Variants in SPATA13 observed in about 807,000 individuals in gnomAD.
SPATA13 encodes spermatogenesis associated 13.
In SPATA13, 50 loss-of-function variants were observed where a neutral mutation model predicts 104.0. That is an observed-to-expected ratio of 0.48 (90% CI 0.38 to 0.61). The LOEUF (loss-of-function observed/expected upper bound fraction) is 0.61. Ranked by LOEUF, SPATA13 falls within the 20% of genes least tolerant of loss-of-function variation. The pLI is 0.00. For synonymous variants in SPATA13, 606 were observed against 667.5 expected (o/e 0.91, Z 1.42); for missense variants, 1,524 against 1,690.6 (o/e 0.90, Z 1.73).
chr13:24,034,045 A>G (rs1877586247), intron 3 of SPATA13: 1 of 152,220 alleles, frequency 6.6e-6, no homozygotes, highest in Non-Finnish European at 1.5e-5. Flanking sequence ...CACACTTTCA[A>G]CATTTGATTA....
intron 3 of SPATA13, among the ~76,000 whole-genome samples, chr13:24,060,858 G>C (rs1878747138): frequency 6.6e-6 from 1 of 152,146 alleles, no homozygotes; most frequent in Non-Finnish European, 1.5e-5. Context: ...GGCCAACATG[G>C]CAAAACCCCG....
At chr13:24,270,026 C>T (rs1005188809) in intron 4 of SPATA13, among the ~76,000 whole-genome samples, 1 of 151,980 alleles carries the variant, frequency 6.6e-6, no homozygotes, top group African/African-American at 2.4e-5. Flanking sequence ...CCAGCTTAAA[C>T]CCACATTTAC....
rs1458068316 is a variant in SPATA13 at position 24,103,504 on chromosome 13, A to AAAAAAAAAAAAAAAAG, written c.-112+85804_-112+85805insAAAAAAAAAAAAAAGA. Among the ~76,000 whole-genome samples the AAAAAAAAAAAAAAAAG allele has an allele frequency of 1.3e-4, 15 of 115,600 alleles. 1 individual carries two copies. Among genetic ancestry groups the AAAAAAAAAAAAAAAAG allele is most frequent in the African/African-American group, 1.6e-4 (5 of 31,864 alleles). The allele number at this position is 115,600 out of a possible 152,430, so 75.8% of individuals were successfully genotyped here. A position where few individuals can be genotyped will look rare whatever the true frequency, so the allele number is the denominator to read the frequency against. ...TGTCTCAAAAAAAAAAAAAAAAAACAAGAAAGAAAAGAGCAGGGGAGGAGA... is the reference window on the plus strand; with the variant it reads ...TGTCTCAAAAAAAAAAAAAAAAAACAAAAAAAAAAAAAAAAGAGAAAGAAAAGAGCAGGGGAGGAGA... On this transcript the variant is annotated intron_variant, in intron 3 of 14. Coordinates refer to the SPATA13 transcript ENST00000424834.
At chr13:24,276,348 T>G (rs1201702155) in intron 4 of SPATA13, among the ~76,000 whole-genome samples, 2 of 152,226 alleles carry the variant, frequency 1.3e-5, no homozygotes, top group Non-Finnish European at 2.9e-5. Context: ...GTTCTAACAC[T>G]TGGTACACAT....
At chr13:24,251,077 T>A (rs1312162797) in intron 3 of SPATA13, among the ~76,000 whole-genome samples, 1 of 152,052 alleles carries the variant, frequency 6.6e-6, no homozygotes, top group Admixed American at 6.5e-5. Flanking sequence ...TGATTAATAG[T>A]TTTAGGGATC....
intron 1 of SPATA13, among the ~76,000 whole-genome samples, chr13:24,190,949 CCTCA>C (rs1464636553): frequency 6.6e-6 from 1 of 152,026 alleles, no homozygotes; most frequent in African/African-American, 2.4e-5. Flanking sequence ...ATGCAGCAAA[CCTCA>C]CTGTCTTCTC....
intron 3 of SPATA13, among the ~76,000 whole-genome samples, chr13:24,136,066 A>G (rs189930423): frequency 2.0e-5 from 3 of 152,364 alleles, no homozygotes; most frequent in Admixed American, 2.0e-4. Flanking sequence ...CTCAGAGAGC[A>G]TGAAGCTCAG....
intron 3 of SPATA13, among the ~76,000 whole-genome samples, chr13:24,054,078 C>T (rs1430556149): frequency 6.6e-6 from 1 of 152,046 alleles, no homozygotes; most frequent in Non-Finnish European, 1.5e-5. Flanking sequence ...TCAGGGCCAC[C>T]GTGAACCATG....
intron 2 of SPATA13, among the ~76,000 whole-genome samples, chr13:24,014,879 A>T (rs1230300107): frequency 8.3e-4 from 65 of 78,670 alleles, no homozygotes; most frequent in Admixed American, 1.2e-3. Context: ...CACTTTCTGG[A>T]TTTTTTTTTT....
chr13:24,019,280 G>C (rs1449617750), intron 3 of SPATA13, among the ~76,000 whole-genome samples: 1 of 151,606 alleles, frequency 6.6e-6, no homozygotes. Flanking sequence ...AGTAGAGACG[G>C]GGTTTCACCG....
At chr13:24,162,233 G>A (rs1461517463) in intron 1 of SPATA13, among the ~76,000 whole-genome samples, 1 of 152,050 alleles carries the variant, frequency 6.6e-6, no homozygotes, top group African/African-American at 2.4e-5. Flanking sequence ...TTGTGCTCCC[G>A]TGCATATGCA....
intron 2 of SPATA13, among the ~76,000 whole-genome samples, chr13:24,016,385 A>G (rs1240314963): frequency 6.6e-6 from 1 of 152,136 alleles, no homozygotes; most frequent in East Asian, 1.9e-4. Flanking sequence ...CATTTCTGAC[A>G]TCACCCTGGA....
At chr13:24,155,815 T>C (rs7995047), upstream of SPATA13, among the ~76,000 whole-genome samples, 2,534 of 152,240 alleles carry the variant, frequency 0.017, 87 homozygotes, top group African/African-American at 0.058. Context: ...AAACTGACAT[T>C]CTGTCCCCAT....
rs562984250 is a variant in SPATA13, at chr13:24,165,864, A to G, written c.-112+4932A>G. On this transcript the variant is annotated intron_variant, in intron 1 of 12. Coordinates refer to ENST00000382108, the MANE Select transcript of SPATA13 (RefSeq NM_001166271.3). ...GGTCAGGCCCTAGCTCTTAGTCACC[A>G]TGGGTGATGTAGAGATTGGTAAATG... Among the ~76,000 whole-genome samples the G allele has an allele frequency of 7.2e-5, 11 of 152,320 alleles. 1 individual carries two copies. The South Asian group carries it at 2.3e-3, about 32-fold the overall frequency.
intron 4 of SPATA13, among the ~76,000 whole-genome samples, chr13:24,255,856 T>TA (rs1873765405): frequency 1.3e-5 from 2 of 152,250 alleles, no homozygotes; most frequent in African/African-American, 4.8e-5. Context: ...AAACCAGCTG[T>TA]AAAAGCATCA....
intron 3 of SPATA13, among the ~76,000 whole-genome samples, chr13:24,065,825 A>T (rs1461053535): frequency 6.6e-6 from 1 of 152,202 alleles, no homozygotes; most frequent in Non-Finnish European, 1.5e-5. Context: ...CTAAGTTTTT[A>T]AAAATATTTC....
At chr13:24,151,833 A>G (rs1016291180) in intron 3 of SPATA13, among the ~76,000 whole-genome samples, 1 of 152,244 alleles carries the variant, frequency 6.6e-6, no homozygotes, top group Admixed American at 6.5e-5. Flanking sequence ...AATAGACTTT[A>G]CCATTTTTAC....
intron 3 of SPATA13, among the ~76,000 whole-genome samples, chr13:24,142,053 G>T (rs1256949899): frequency 6.6e-6 from 1 of 151,838 alleles, no homozygotes; most frequent in Non-Finnish European, 1.5e-5. Flanking sequence ...AATAATTGTG[G>T]TTTACGGTCC....
chr13:24,251,761 A>G lies in SPATA13; in HGVS notation c.2063A>G (p.Tyr688Cys). ...ATGCCTGCTCACCAGGTGCCACCCT[A>G]CAAGGCTGTGTCGGCCCGGTTCCGG... Reference protein sequence around the residue: ...PPMPAHQVPPYKAVSARFRPF... With the variant: ...PPMPAHQVPPCKAVSARFRPF... Residue 688 changes from tyrosine (Y) to cysteine (C), a missense_variant, in exon 4 of 13, where the codon TAC (tyrosine) becomes TGC (cysteine). Coordinates refer to ENST00000382108, the MANE Select transcript of SPATA13 (RefSeq NM_001166271.3). 6.2e-7 allele frequency: 1 copy of G among 1,614,170 alleles called. No individual in the cohort carries two copies. Among genetic ancestry groups the G allele is most frequent in the Non-Finnish European group, 8.5e-7 (1 of 1,180,012 alleles).
Sources: gnomAD v4.1 joint callset for allele counts (sites outside exome capture counted in the v4.1 genomes callset) on GRCh38, gnomAD v4.1.1 for gene constraint, MANE v1.5 for transcripts, NCBI Gene and HGNC (gene_info 2026-07-23, HGNC 2026-07-21) for gene names.